NMT2: variants seen among roughly 807,000 people sequenced by gnomAD.
NMT2 encodes the protein N-myristoyltransferase 2.
NMT2 carries 35 observed loss-of-function variants against 65.4 expected under a neutral mutation model. The observed-to-expected ratio is 0.54, with a 90% confidence interval of 0.41 to 0.71. The LOEUF (loss-of-function observed/expected upper bound fraction) is 0.71. Among genes scored for constraint, NMT2 ranks in the 30% least tolerant of loss-of-function variants. NMT2 has a pLI of 0.00. For synonymous variants in NMT2, 226 were observed against 231.8 expected, an observed-to-expected ratio of 0.98 and a Z score of 0.23; for missense variants, 489 against 611.3, an observed-to-expected ratio of 0.80 and a Z score of 2.11.
chr10:15,115,217 A>G (rs1242316112), intron 9 of NMT2, among the ~76,000 whole-genome samples: 1 of 152,202 alleles, frequency 6.6e-6, no homozygotes, highest in African/African-American at 2.4e-5. Flanking sequence ...CATATAATAA[A>G]TTATGCTTCT....
intron 1 of NMT2, among the ~76,000 whole-genome samples, chr10:15,157,361 C>A (rs983893532): frequency 4.6e-5 from 7 of 152,204 alleles, no homozygotes; most frequent in Non-Finnish European, 8.8e-5. Context: ...CCATCCAGGG[C>A]AGACTGGGCA....
chr10:15,129,995 G>C (rs1846220516), intron 7 of NMT2, 147 bp downstream of exon 7: 3 of 546,862 alleles, frequency 5.5e-6, no homozygotes, highest in Admixed American at 6.5e-5. Flanking sequence ...AGTGGCAAAT[G>C]ATATACCAGA....
intron 2 of NMT2, among the ~76,000 whole-genome samples, chr10:15,138,847 G>A (rs556225816): frequency 6.6e-6 from 1 of 152,270 alleles, no homozygotes; most frequent in African/African-American, 2.4e-5. Flanking sequence ...TCCAAATTAA[G>A]AAAAGAAATT....
In NMT2 at chr10:15,141,430, G is replaced by T. The variant is rs760211454; in HGVS notation, c.238C>A (p.Pro80Thr). Residue 80 changes from proline (P) to threonine (T), a missense_variant, in exon 2 of 12, where the codon CCT (proline) becomes ACT (threonine). Transcript: ENST00000378165. ...TAAAACAGAGCTCTCACTTTCGAAG[G>T]CTGCTGAATTTTAATCTCCTGGGAA... ...SDSQEIKIQQ[P>T]SKNPSVPMQK... 1.4e-5 allele frequency: 23 copies of T among 1,614,016 alleles called. No individual in the cohort carries two copies. Among genetic ancestry groups the T allele is most frequent in the Non-Finnish European group, 1.8e-5 (21 of 1,180,006 alleles).
chr10:15,143,715 G>A (rs1036200137), intron 1 of NMT2, among the ~76,000 whole-genome samples: 2 of 152,094 alleles, frequency 1.3e-5, no homozygotes, highest in African/African-American at 4.8e-5. Flanking sequence ...TAAAAAATTA[G>A]CTGGGCATGG....
intron 9 of NMT2, 150 bp from the exon 10 acceptor site, chr10:15,113,113 T>C (rs1845621971): frequency 2.6e-6 from 2 of 754,858 alleles, no homozygotes; most frequent in Non-Finnish European, 4.4e-6. Context: ...CCCCTTATAT[T>C]GTGCTGTGTA....
intron 8 of NMT2, among the ~76,000 whole-genome samples, chr10:15,125,539 G>C (rs35563069): frequency 6.6e-6 from 1 of 152,152 alleles, no homozygotes. Context: ...ACATAAGCTA[G>C]GCTGCTTGAG....
chr10:15,162,928 G>GAT (rs1014414869), intron 1 of NMT2, among the ~76,000 whole-genome samples: 12 of 149,514 alleles, frequency 8.0e-5, no homozygotes, highest in Middle Eastern at 3.5e-3. Context: ...ATAAGAGAGA[G>GAT]ATATATATAT....
chr10:15,108,629 C>T lies in NMT2; in HGVS notation c.*566G>A. On this transcript the variant is annotated 3_prime_UTR_variant, in exon 12 of 12. Transcript: ENST00000378165. ...TATGGAGAAATACATGTACTAGTCA[C>T]CAGTACATTTTAATATTGCTCTGCA... 1 of 987,516 alleles carries T rather than the reference C, an allele frequency of 1.0e-6. No homozygotes were observed. The highest frequency in any genetic ancestry group is 1.2e-6 in the Non-Finnish European group (1 of 831,590). 61.2% of individuals were successfully genotyped at this position (987,516 alleles called of 1,614,324 possible).
chr10:15,119,857 C>T (rs886997513), intron 8 of NMT2, among the ~76,000 whole-genome samples: 2 of 152,152 alleles, frequency 1.3e-5, no homozygotes, highest in African/African-American at 4.8e-5. Flanking sequence ...ATGATGTACG[C>T]CAATACCCAA....
chr10:15,168,415 C>A, intron 1 of NMT2, 88 bp downstream of exon 1: 1 of 969,620 alleles, frequency 1.0e-6, no homozygotes, highest in East Asian at 2.8e-5. Context: ...GAAGAACCCC[C>A]AGTCCTGGGA....
At chr10:15,135,976 C>G (rs1369136345) in intron 2 of NMT2, among the ~76,000 whole-genome samples, 1 of 151,756 alleles carries the variant, frequency 6.6e-6, no homozygotes, top group Non-Finnish European at 1.5e-5. Flanking sequence ...CCTATAATCC[C>G]AGCACTTTGG....
intron 10 of NMT2, among the ~76,000 whole-genome samples, chr10:15,112,577 T>G (rs895318351): frequency 2.6e-5 from 4 of 152,048 alleles, no homozygotes; most frequent in African/African-American, 9.7e-5. Context: ...GTACATTTTG[T>G]CTTTTTTGTT....
At chr10:15,162,051 G>A (rs998409771) in intron 1 of NMT2, among the ~76,000 whole-genome samples, 7 of 152,008 alleles carry the variant, frequency 4.6e-5, no homozygotes, top group African/African-American at 9.7e-5. Context: ...TCAGGAGTTC[G>A]AGACCAGCCT....
At chr10:15,130,549 C>CAG (rs111934631) in intron 6 of NMT2, among the ~76,000 whole-genome samples, 24,561 of 151,188 alleles carry the variant, frequency 0.16, 3,504 homozygotes, top group African/African-American at 0.39. Flanking sequence ...CTACAAAAAA[C>CAG]AAACACCAGC....
At chr10:15,158,791 A>C (rs1264747928) in intron 1 of NMT2, among the ~76,000 whole-genome samples, 1 of 152,190 alleles carries the variant, frequency 6.6e-6, no homozygotes, top group African/African-American at 2.4e-5. Flanking sequence ...CACCAAGATC[A>C]GGGTGCCAGC....
intron 8 of NMT2, among the ~76,000 whole-genome samples, chr10:15,126,303 C>T (rs1200475416): frequency 2.6e-5 from 4 of 151,908 alleles, no homozygotes; most frequent in African/African-American, 9.7e-5. Flanking sequence ...GTGGTGCACA[C>T]CTGTAATCCC....
At chr10:15,138,961 G>A (rs1336554148) in intron 2 of NMT2, among the ~76,000 whole-genome samples, 3 of 152,150 alleles carry the variant, frequency 2.0e-5, no homozygotes, top group Admixed American at 1.3e-4. Context: ...GGAGATTAAC[G>A]TTTGAGTCAG....
At chr10:15,140,874 C>T in intron 2 of NMT2, 1 of 1,010,734 alleles carries the variant, frequency 9.9e-7, no homozygotes, top group African/African-American at 1.6e-5. Context: ...AGCTGGACAA[C>T]TTCTGGTTTG....
Sources: gnomAD v4.1 joint callset for allele counts (sites outside exome capture counted in the v4.1 genomes callset) on GRCh38, gnomAD v4.1.1 for gene constraint, MANE v1.5 for transcripts, NCBI Gene and HGNC (gene_info 2026-07-23, HGNC 2026-07-21) for gene names.